The following ADCY8 variants were observed in gnomAD, a reference collection of about 807,000 sequenced individuals.
ADCY8 encodes the protein adenylate cyclase 8.
ADCY8 carries 51 observed loss-of-function variants against 119.7 expected under a neutral mutation model. That is an observed-to-expected ratio of 0.43 (90% CI 0.34 to 0.54). The LOEUF is 0.54. ADCY8 is among the 20% of genes least tolerant of loss of function. The pLI, the probability that ADCY8 is intolerant of heterozygous loss-of-function variation, is 0.03. For synonymous variants in ADCY8, 665 were observed against 651.0 expected, an observed-to-expected ratio of 1.02 and a Z score of -0.33; for missense variants, 1,383 against 1,598.8, an observed-to-expected ratio of 0.87 and a Z score of 2.30.
chr8:130,846,896 C>CTTCA (rs1817344923), intron 11 of ADCY8, among the ~76,000 whole-genome samples: 1 of 75,708 alleles, frequency 1.3e-5, no homozygotes, highest in African/African-American at 4.7e-5. Context: ...CCTTTCCTTC[C>CTTCA]TTCCTTCCTT....
intron 5 of ADCY8, among the ~76,000 whole-genome samples, chr8:130,910,191 C>G (rs142145519): frequency 6.6e-6 from 1 of 152,274 alleles, no homozygotes; most frequent in East Asian, 1.9e-4. Context: ...TCTTTAATAA[C>G]TAGAAAGAGT....
At chr8:130,883,080 T>C (rs937634708) in intron 8 of ADCY8, among the ~76,000 whole-genome samples, 2 of 152,054 alleles carry the variant, frequency 1.3e-5, no homozygotes, top group African/African-American at 4.8e-5. Flanking sequence ...AGGCATGCTG[T>C]TCCTCCCTTA....
At chr8:130,955,557 T>C (rs991462526) in intron 2 of ADCY8, among the ~76,000 whole-genome samples, 2 of 152,216 alleles carry the variant, frequency 1.3e-5, no homozygotes, top group Non-Finnish European at 2.9e-5. Context: ...GATTACTTAA[T>C]TGAATCCTTA....
chr8:130,951,745 T>A, intron 3 of ADCY8, 123 bp downstream of exon 3: 1 of 1,200,220 alleles, frequency 8.3e-7, no homozygotes, highest in Non-Finnish European at 1.2e-6. Flanking sequence ...AGGTAATGAA[T>A]TAATCAACCA....
At chr8:130,877,534 CA>C (rs1237049880) in intron 8 of ADCY8, among the ~76,000 whole-genome samples, 2 of 152,190 alleles carry the variant, frequency 1.3e-5, no homozygotes, top group Non-Finnish European at 2.9e-5. Flanking sequence ...CCCAAGGAAT[CA>C]CAAGAAGTGT....
At chr8:130,934,888 T>C (rs1215924060) in intron 5 of ADCY8, among the ~76,000 whole-genome samples, 2 of 152,182 alleles carry the variant, frequency 1.3e-5, no homozygotes, top group East Asian at 3.9e-4. Flanking sequence ...AAAAGTACCA[T>C]AAATTCTCAT....
intron 14 of ADCY8, among the ~76,000 whole-genome samples, chr8:130,808,007 A>C (rs1447311074): frequency 3.9e-4 from 54 of 139,612 alleles, no homozygotes; most frequent in African/African-American, 1.5e-3. Flanking sequence ...AAAAAAAAAA[A>C]AAAAAAAAAA....
chr8:130,931,402 A>G (rs961463987), intron 5 of ADCY8, among the ~76,000 whole-genome samples: 1 of 152,082 alleles, frequency 6.6e-6, no homozygotes, highest in Non-Finnish European at 1.5e-5. Context: ...TAGTTTGATT[A>G]TTATGTTTCT....
intron 8 of ADCY8, among the ~76,000 whole-genome samples, chr8:130,876,248 G>A (rs991902474): frequency 2.6e-5 from 4 of 151,938 alleles, no homozygotes; most frequent in Non-Finnish European, 5.9e-5. Flanking sequence ...GCAGGGTTTT[G>A]CCATGTTGGC....
chr8:130,840,585 T>C (rs1043569164), intron 11 of ADCY8, among the ~76,000 whole-genome samples: 1 of 152,152 alleles, frequency 6.6e-6, no homozygotes, highest in Non-Finnish European at 1.5e-5. Flanking sequence ...ATATATATAC[T>C]ATGATTACAA....
At chr8:130,846,213 A>G (rs1158337427) in intron 11 of ADCY8, among the ~76,000 whole-genome samples, 2 of 152,022 alleles carry the variant, frequency 1.3e-5, no homozygotes, top group Non-Finnish European at 2.9e-5. Flanking sequence ...AGTCCTAGGT[A>G]TGGGGTTGGC....
At chr8:130,837,922 GATATAACCA>G (rs1230499719) in intron 11 of ADCY8, among the ~76,000 whole-genome samples, 7 of 152,276 alleles carry the variant, frequency 4.6e-5, no homozygotes, top group Admixed American at 2.6e-4. Context: ...AGGTCACCAG[GATATAACCA>G]ATTCACGTAA....
rs533160812 is a variant in ADCY8, at chr8:130,897,283, A to G, written c.1911+6489T>C. Among the ~76,000 whole-genome samples, 6 of 152,260 alleles carry G rather than the reference A, an allele frequency of 3.9e-5. No individual in the cohort carries two copies. The East Asian group carries it at 1.2e-3, about 30-fold the overall frequency. On this transcript the variant is annotated intron_variant, in intron 7 of 17. Transcript: ENST00000286355. ...TTCTTCCTTTTCTTCTAATAAATAC[A>G]GAGAACAAGATCTAAGAAAAGTCCC...
intron 3 of ADCY8, among the ~76,000 whole-genome samples, chr8:130,951,169 TAAG>T (rs34814893): frequency 0.69 from 104,937 of 151,976 alleles, 40,118 homozygotes; most frequent in East Asian, 0.93. Context: ...GCAAAGTGGC[TAAG>T]AAGATGCTTA....
At chr8:130,949,863 C>T (rs1161294707) in intron 3 of ADCY8, among the ~76,000 whole-genome samples, 1 of 152,120 alleles carries the variant, frequency 6.6e-6, no homozygotes, top group East Asian at 1.9e-4. Context: ...GGGACCAATT[C>T]CTAGATCTGG....
chr8:130,803,055 T>C (rs1815831070), intron 14 of ADCY8, among the ~76,000 whole-genome samples: 2 of 152,192 alleles, frequency 1.3e-5, no homozygotes, highest in Non-Finnish European at 2.9e-5. Flanking sequence ...TTGTGTTTAC[T>C]GGGACCACCG....
intron 5 of ADCY8, among the ~76,000 whole-genome samples, chr8:130,918,568 T>C (rs886338452): frequency 6.6e-6 from 1 of 152,226 alleles, no homozygotes; most frequent in Non-Finnish European, 1.5e-5. Context: ...TTTAATTAAT[T>C]TAAAAATTAT....
rs1820772472 is a variant in ADCY8 at position 130,935,992 on chromosome 8, A to G, written c.1481+1081T>C. On this transcript the variant is annotated intron_variant, in intron 5 of 17. Transcript: ENST00000286355. ...GCTGGCTGTACCTTTGTCTCATGGA[A>G]GAAGCTTACAAACAGCCCATGGTCT... is the stretch of plus-strand genomic sequence containing the variant. Among the ~76,000 whole-genome samples, 4 of 151,570 alleles carry G rather than the reference A, an allele frequency of 2.6e-5. No homozygotes were observed. The South Asian group carries it at 8.3e-4, about 32-fold the overall frequency.
chr8:130,913,322 C>T (rs1486032487), intron 5 of ADCY8, among the ~76,000 whole-genome samples: 8 of 152,032 alleles, frequency 5.3e-5, no homozygotes, highest in African/African-American at 1.2e-4. Context: ...TAACCATCCC[C>T]ACCTCCCTCC....
Sources: allele counts gnomAD v4.1 joint callset (sites outside exome capture counted in the v4.1 genomes callset), GRCh38; gene constraint gnomAD v4.1.1; transcripts MANE v1.5; gene names NCBI Gene and HGNC (gene_info 2026-07-23, HGNC 2026-07-21).